LRRC7: variants seen among roughly 807,000 people sequenced by gnomAD.
LRRC7 encodes leucine-rich repeat-containing protein 7.
A neutral mutation model predicts 175.7 loss-of-function variants in LRRC7; 23 were observed. The observed-to-expected ratio is 0.13, with a 90% CI of 0.09 to 0.19. The LOEUF (loss-of-function observed/expected upper bound fraction) is 0.19. Among genes scored for constraint, LRRC7 ranks in the 10% least tolerant of loss-of-function variants. The pLI is 1.00. For synonymous variants in LRRC7, 685 were observed against 680.9 expected (o/e 1.01, Z -0.09); for missense variants, 1,354 against 1,904.7 (o/e 0.71, Z 5.38).
chr1:69,975,994 A>G (rs1408154445), intron 8 of LRRC7, among the ~76,000 whole-genome samples: 2 of 151,184 alleles, frequency 1.3e-5, no homozygotes, highest in Non-Finnish European at 2.9e-5. Context: ...TTTTTTTTAT[A>G]GCCCCTTAAC....
At chr1:69,727,161 G>A (rs904110544) in intron 2 of LRRC7, among the ~76,000 whole-genome samples, 2 of 152,168 alleles carry the variant, frequency 1.3e-5, no homozygotes, top group Non-Finnish European at 2.9e-5. Flanking sequence ...TATCCTGGAT[G>A]AGGTAATTCC....
intron 1 of LRRC7, among the ~76,000 whole-genome samples, chr1:69,602,873 C>T (rs1325287925): frequency 6.6e-6 from 1 of 152,192 alleles, no homozygotes; most frequent in African/African-American, 2.4e-5. Context: ...TTTTGATACA[C>T]AAATACCATT....
intron 3 of LRRC7, among the ~76,000 whole-genome samples, chr1:69,772,822 G>GT (rs762537184): frequency 2.0e-4 from 31 of 152,232 alleles, no homozygotes; most frequent in Admixed American, 3.9e-4. Context: ...GGAAAGAAGG[G>GT]TTTTTGAAGA....
chr1:69,569,185 A>G (rs1272590293), intron 1 of LRRC7, among the ~76,000 whole-genome samples: 1 of 151,212 alleles, frequency 6.6e-6, no homozygotes, highest in Non-Finnish European at 1.5e-5. Context: ...GAAGATTTTT[A>G]TGTGATTGGG....
At chr1:69,849,854 T>C (rs1404329703) in intron 7 of LRRC7, among the ~76,000 whole-genome samples, 1 of 152,154 alleles carries the variant, frequency 6.6e-6, no homozygotes, top group African/African-American at 2.4e-5. Flanking sequence ...TAATTGATCA[T>C]GTACCTAATA....
chr1:69,785,598 C>A (rs1674315950), intron 3 of LRRC7, among the ~76,000 whole-genome samples: 1 of 152,018 alleles, frequency 6.6e-6, no homozygotes, highest in Admixed American at 6.6e-5. Context: ...GTCTTTTCCA[C>A]TTCTTTATCT....
intron 7 of LRRC7, 29 bp downstream of exon 7, chr1:69,838,312 G>A (rs757553288): frequency 9.6e-6 from 15 of 1,557,518 alleles, no homozygotes; most frequent in Non-Finnish European, 1.2e-5. Flanking sequence ...TCTGAATTTT[G>A]AACTGTGATT....
At position 69,980,461 on chromosome 1, in the gene LRRC7, A is replaced by G. The variant is rs1443505357; in HGVS notation, c.786+8A>G. 1 of 1,578,468 alleles carries G rather than the reference A, an allele frequency of 6.3e-7. No homozygotes were observed. Among genetic ancestry groups the G allele is most frequent in the Non-Finnish European group, 8.7e-7 (1 of 1,151,810 alleles). ...TTACAAGTGTTACCTGGGGTATGTA[A>G]GTTTTTATTCTACCATGTTGTTTAA... On this transcript the variant is annotated splice_region_variant and intron_variant, in intron 9 of 26. Transcript: ENST00000651989.
intron 1 of LRRC7, among the ~76,000 whole-genome samples, chr1:69,666,876 CT>C (rs1658346433): frequency 6.6e-6 from 1 of 151,818 alleles, no homozygotes; most frequent in South Asian, 2.1e-4. Flanking sequence ...TCTTGCTTTT[CT>C]AGTTCTTCAA....
At chr1:69,818,937 T>C (rs1447544363) in intron 4 of LRRC7, among the ~76,000 whole-genome samples, 1 of 152,126 alleles carries the variant, frequency 6.6e-6, no homozygotes, top group Admixed American at 6.6e-5. Flanking sequence ...ACAGTTGTAG[T>C]GTCTTCTCAT....
At chr1:69,848,413 A>G (rs113398763) in intron 7 of LRRC7, among the ~76,000 whole-genome samples, 200 of 152,208 alleles carry the variant, frequency 1.3e-3, no homozygotes, top group African/African-American at 4.6e-3. Flanking sequence ...GCTCTCTTCT[A>G]TGATATTTTG....
At chr1:69,735,155 TAAC>T (rs1667977671) in intron 2 of LRRC7, among the ~76,000 whole-genome samples, 2 of 152,136 alleles carry the variant, frequency 1.3e-5, no homozygotes. Context: ...TGGTTTTCTA[TAAC>T]AACATTATCA....
chr1:69,833,974 G>C (rs908689361), intron 5 of LRRC7, among the ~76,000 whole-genome samples: 3 of 151,968 alleles, frequency 2.0e-5, no homozygotes, highest in Non-Finnish European at 4.4e-5. Flanking sequence ...ATCTGGACTA[G>C]ACTATACATA....
chr1:69,598,385 A>T (rs1646925100), intron 1 of LRRC7, among the ~76,000 whole-genome samples: 1 of 152,174 alleles, frequency 6.6e-6, no homozygotes, highest in Non-Finnish European at 1.5e-5. Flanking sequence ...ATTTAGATAT[A>T]TCTATCTATC....
rs886473797 is a variant in LRRC7 at position 70,036,204 on chromosome 1, A to G, written c.2079A>G (p.Lys693=). 5 of 1,613,292 alleles carry G rather than the reference A, an allele frequency of 3.1e-6. No individual in the cohort carries two copies. The African/African-American group carries it at 6.7e-5, about 22-fold the overall frequency. ...SLAETPLYPP[K]LVLLGKDKKE... ...CTGAGACCCCTCTGTACCCACCCAA[A>G]CTTGTTCTGCTAGGGAAGGACAAAA... The change falls in exon 19 of 27, where the codon AAA becomes AAG. Residue 693 remains lysine, a synonymous_variant. Transcript: ENST00000651989.
intron 8 of LRRC7, among the ~76,000 whole-genome samples, chr1:69,949,442 A>G (rs1192091613): frequency 1.3e-5 from 2 of 152,134 alleles, no homozygotes; most frequent in Admixed American, 6.6e-5. Flanking sequence ...CTGTGGTCCC[A>G]GCTACTCCAG....
intron 24 of LRRC7, among the ~76,000 whole-genome samples, chr1:70,089,286 A>G (rs1663846978): frequency 6.6e-6 from 1 of 152,196 alleles, no homozygotes; most frequent in Non-Finnish European, 1.5e-5. Flanking sequence ...AAGCAGGCAC[A>G]ATTTATTTAA....
At chr1:69,910,041 C>G (rs984904369) in intron 7 of LRRC7, among the ~76,000 whole-genome samples, 4 of 152,112 alleles carry the variant, frequency 2.6e-5, no homozygotes, top group Non-Finnish European at 5.9e-5. Context: ...TCACTGATAC[C>G]CTTTCTTCCA....
intron 1 of LRRC7, among the ~76,000 whole-genome samples, chr1:69,610,843 C>A (rs7538620): frequency 1.3e-5 from 2 of 151,780 alleles, no homozygotes; most frequent in Non-Finnish European, 2.9e-5. Flanking sequence ...CAATAATAAA[C>A]ATCTGCAGAC....
Sources: allele counts gnomAD v4.1 joint callset (sites outside exome capture counted in the v4.1 genomes callset), GRCh38; gene constraint gnomAD v4.1.1; transcripts MANE v1.5; gene names NCBI Gene and HGNC (gene_info 2026-07-23, HGNC 2026-07-21).